The following PAEP variants were observed in gnomAD, a reference collection of about 807,000 sequenced individuals.
PAEP encodes the protein progestagen associated endometrial protein.
In PAEP, 28 loss-of-function variants were observed where a neutral mutation model predicts 23.0. The ratio of observed to expected loss-of-function variants is 1.22; its 90% CI spans 0.90 to 1.67. PAEP has a LOEUF of 1.67. Among genes scored for constraint, PAEP ranks in the 40% most tolerant of loss-of-function variants. The pLI is 0.00. For synonymous variants in PAEP, 103 were observed against 92.4 expected, an observed-to-expected ratio of 1.12 and a Z score of -0.66; for missense variants, 209 against 226.4, an observed-to-expected ratio of 0.92 and a Z score of 0.49.
At chr9:135,564,888 AG>A in intron 4 of PAEP, 3 of 985,256 alleles carry the variant, frequency 3.0e-6, no homozygotes, top group Non-Finnish European at 3.6e-6. Context: ...TCGCCAGTCA[AG>A]GGGCTGGGCT....
At chr9:135,562,787 G>T in intron 2 of PAEP, 33 bp from the exon 3 acceptor site, 11 of 1,566,460 alleles carry the variant, frequency 7.0e-6, no homozygotes, top group Non-Finnish European at 9.7e-6. Context: ...TCCAATTCAA[G>T]TGGCCACTCA....
chr9:135,564,123 C>A, intron 3 of PAEP, 121 bp from the exon 4 acceptor site: 1 of 1,434,034 alleles, frequency 7.0e-7, no homozygotes, highest in Non-Finnish European at 9.4e-7. Context: ...GCAGGGGCCA[C>A]GTCCCATGGT....
At chr9:135,562,711 C>A in intron 2 of PAEP, 109 bp from the exon 3 acceptor site, 2 of 947,536 alleles carry the variant, frequency 2.1e-6, no homozygotes, top group Non-Finnish European at 3.4e-6. Context: ...CTGCGGGCTG[C>A]GGTGCTCCTT....
chr9:135,562,268 C>T (rs199535917), intron 1 of PAEP, 26 bp from the exon 2 acceptor site: 102 of 1,608,014 alleles, frequency 6.3e-5, no homozygotes, highest in Admixed American at 4.0e-4. Flanking sequence ...GGGGTGGGAC[C>T]GCCGTGCAGC....
intron 6 of PAEP, 95 bp downstream of exon 6, chr9:135,565,896 T>A (rs1832559214): frequency 5.1e-6 from 7 of 1,371,752 alleles, no homozygotes; most frequent in Non-Finnish European, 7.3e-6. Flanking sequence ...GACCCTACTG[T>A]GTCCAGTTCA....
chr9:135,561,860 A>G lies in PAEP; in HGVS notation c.59A>G (p.Asp20Gly). The change falls in exon 1 of 7, where the codon GAC becomes GGC. Residue 20 changes from aspartate to glycine, a missense_variant. Asp to Gly is a moderately conservative substitution (Grantham distance 94). Coordinates refer to ENST00000479141, the MANE Select transcript of PAEP (RefSeq NM_002571.4). ...CTGGTCTGTGGTGTCCCGGCCATGG[A>G]CATCCCCCAGACCAAGCAGGACCTG... ...VALVCGVPAM[D>G]IPQTKQDLEL... 6.4e-7 allele frequency: 1 copy of G among 1,568,180 alleles called. No individual in the cohort carries two copies. The highest frequency in any genetic ancestry group is 1.9e-5 in the Admixed American group (1 of 53,768).
At chr9:135,561,939 G>C (rs1361780331) in intron 1 of PAEP, 42 bp downstream of exon 1, 1 of 1,457,146 alleles carries the variant, frequency 6.9e-7, no homozygotes, top group Non-Finnish European at 9.4e-7. Context: ...TGGGAGGCCT[G>C]GGGCGGGTGG....
At position 135,561,889 on chromosome 9, in the gene PAEP, C is replaced by T. The variant is rs1327682415; in HGVS notation, c.88C>T (p.Leu30Phe). 3 of 1,563,888 alleles carry T rather than the reference C, an allele frequency of 1.9e-6. No individual in the cohort carries two copies. Among genetic ancestry groups the T allele is most frequent in the Non-Finnish European group, 2.6e-6 (3 of 1,153,342 alleles). ...DIPQTKQDLE[L>F]PKLAGTWHSM... ...CCCCCAGACCAAGCAGGACCTGGAG[C>T]TCCCAAAGGTTTGAGGCTGGGGGAG... The change falls in exon 1 of 7, where the codon CTC becomes TTC. Residue 30 changes from leucine (L) to phenylalanine (F), a missense_variant. Coordinates refer to ENST00000479141, the MANE Select transcript of PAEP (RefSeq NM_002571.4).
intron 6 of PAEP, 100 bp downstream of exon 6, chr9:135,565,901 A>G (rs942075675): frequency 3.1e-6 from 4 of 1,306,894 alleles, no homozygotes; most frequent in Non-Finnish European, 4.4e-6. Flanking sequence ...TACTGTGTCC[A>G]GTTCAGGGCT....
At position 135,562,416 on chromosome 9, in the gene PAEP, G is replaced by A. The variant is rs1321474445; in HGVS notation, c.219G>A (p.Glu73=). ...TGCCCACCCCCGAGGACAACCTGGA[G>A]ATCGTTCTGCACAGATGGTGGGTTT... The part of the protein sequence containing the change: ...SLLPTPEDNL[E]IVLHRWENNS... The change falls in exon 2 of 7, where the codon GAG becomes GAA. Residue 73 remains glutamate (E), a synonymous_variant. Transcript: ENST00000479141. The A allele has an allele frequency of 5.0e-6, 8 of 1,613,944 alleles. No individual in the cohort carries two copies. In the African/African-American group the frequency reaches 9.3e-5, roughly 19 times the overall value.
chr9:135,564,953 T>G (rs1832509250), intron 4 of PAEP: 1 of 864,328 alleles, frequency 1.2e-6, no homozygotes, highest in South Asian at 5.3e-5. Flanking sequence ...CTGAAACCTA[T>G]GATGCTGTCA....
At chr9:135,566,183 T>C (rs1235155981) in intron 6 of PAEP, 11 of 210,828 alleles carry the variant, frequency 5.2e-5, no homozygotes, top group Non-Finnish European at 7.7e-5. Flanking sequence ...TTTTTTTTCT[T>C]TTTTTAAGAT....
intron 3 of PAEP, among the ~76,000 whole-genome samples, chr9:135,563,814 A>G (rs1344826608): frequency 6.6e-6 from 1 of 152,018 alleles, no homozygotes; most frequent in South Asian, 2.1e-4. Context: ...TTTGCTTCTC[A>G]TGCTTGGGAC....
chr9:135,562,292 A>C lies in PAEP; in HGVS notation c.97-2A>C, dbSNP rs1468120421. 23 of 1,613,416 alleles carry C rather than the reference A, an allele frequency of 1.4e-5. No individual in the cohort carries two copies. The highest frequency in any genetic ancestry group is 1.9e-5 in the Non-Finnish European group (22 of 1,179,764). Reference sequence around the variant, plus strand: ...CCGCCGTGCAGCCCAAGGCCCCCTCAGTTGGCAGGGACCTGGCACTCCATG... The same window carrying C: ...CCGCCGTGCAGCCCAAGGCCCCCTCCGTTGGCAGGGACCTGGCACTCCATG... On this transcript the variant is annotated splice_acceptor_variant, in intron 1 of 6. Coordinates refer to ENST00000479141, the MANE Select transcript of PAEP (RefSeq NM_002571.4). LOFTEE classifies it high-confidence loss of function.
chr9:135,565,526 C>A lies in PAEP; in HGVS notation c.526+12C>A. The stretch of plus-strand genomic sequence containing the variant: ...GAAACAGATGGAAGGTGAGCTCTGC[C>A]TAGGACACGCCCAGCCTCAGCTGGA... On this transcript the variant is annotated intron_variant, in intron 5 of 6. Coordinates refer to ENST00000479141, the MANE Select transcript of PAEP (RefSeq NM_002571.4). The A allele has an allele frequency of 6.2e-7, 1 of 1,605,632 alleles. No individual in the cohort carries two copies. Among genetic ancestry groups the A allele is most frequent in the Non-Finnish European group, 8.5e-7 (1 of 1,172,304 alleles).
At position 135,561,792 on chromosome 9, in the gene PAEP, A is replaced by G; in HGVS notation, c.-10A>G. 1 of 1,544,830 alleles carries G rather than the reference A, an allele frequency of 6.5e-7. No individual in the cohort carries two copies. The highest frequency in any genetic ancestry group is 8.8e-7 in the Non-Finnish European group (1 of 1,141,902). On this transcript the variant is annotated 5_prime_UTR_variant, in exon 1 of 7. Transcript: ENST00000479141. ...GGCTCCAGAGCTCAGAGCCACCCAC[A>G]GCCGCAGCCATGCTGTGCCTCCTGC...
intron 2 of PAEP, 22 bp from the exon 3 acceptor site, chr9:135,562,798 T>A (rs1456031277): frequency 6.2e-7 from 1 of 1,601,734 alleles, no homozygotes; most frequent in East Asian, 2.2e-5. Context: ...TGGCCACTCA[T>A]CCTATTGTCA....
chr9:135,562,685 GAGA>G, intron 2 of PAEP, 132 bp from the exon 3 acceptor site: 1 of 845,978 alleles, frequency 1.2e-6, no homozygotes, highest in Admixed American at 2.0e-5. Flanking sequence ...TCAGACTGAG[GAGA>G]AGGTCTGGGC....
intron 5 of PAEP, 28 bp from the exon 6 acceptor site, chr9:135,565,757 A>G (rs759119544): frequency 3.7e-6 from 6 of 1,612,964 alleles, no homozygotes; most frequent in Non-Finnish European, 4.2e-6. Flanking sequence ...TCTCGCTGAC[A>G]CCTCCACTGT....
Sources: gnomAD v4.1 joint callset for allele counts (sites outside exome capture counted in the v4.1 genomes callset) on GRCh38, gnomAD v4.1.1 for gene constraint, MANE v1.5 for transcripts, NCBI Gene and HGNC (gene_info 2026-07-23, HGNC 2026-07-21) for gene names.